FDCSP: variants seen among roughly 807,000 people sequenced by gnomAD.
FDCSP encodes the protein follicular dendritic cell secreted peptide.
A neutral mutation model predicts 8.9 loss-of-function variants in FDCSP; 8 were observed. The ratio of observed to expected loss-of-function variants is 0.90; its 90% confidence interval spans 0.53 to 1.63. The LOEUF is 1.63. Ranked by LOEUF, FDCSP falls within the 40% of genes most tolerant of loss-of-function variation. The probability of loss-of-function intolerance (pLI) is 0.00; values close to 1 mark genes in which losing one functional copy is unlikely to be tolerated. For synonymous variants in FDCSP, 34 were observed against 34.5 expected (o/e 0.98, Z 0.06); for missense variants, 101 against 103.6 (o/e 0.98, Z 0.11).
chr4:70,233,884 C>A, intron 3 of FDCSP, 136 bp from the exon 4 acceptor site: 2 of 741,322 alleles, frequency 2.7e-6, no homozygotes, highest in Non-Finnish European at 2.2e-6. Flanking sequence ...ATAGTACACA[C>A]AGAAAGGATA....
chr4:70,232,633 T>A (rs568867719), intron 2 of FDCSP, among the ~76,000 whole-genome samples: 3 of 151,504 alleles, frequency 2.0e-5, no homozygotes, highest in Non-Finnish European at 4.4e-5. Context: ...ATCTTAAGGG[T>A]TTTTTTCTCC....
chr4:70,229,357 T>C (rs1730041948), intron 1 of FDCSP, among the ~76,000 whole-genome samples: 1 of 151,794 alleles, frequency 6.6e-6, no homozygotes, highest in Non-Finnish European at 1.5e-5. Context: ...CTAAAAACTT[T>C]CTCCATGTTG....
intron 4 of FDCSP, among the ~76,000 whole-genome samples, chr4:70,234,438 T>C (rs1234470214): frequency 6.6e-6 from 1 of 151,658 alleles, no homozygotes; most frequent in African/African-American, 2.4e-5. Flanking sequence ...CCTCCTTGGT[T>C]GTGATGTAAC....
intron 2 of FDCSP, among the ~76,000 whole-genome samples, chr4:70,232,079 T>C (rs1334595984): frequency 6.6e-6 from 1 of 151,764 alleles, no homozygotes; most frequent in Non-Finnish European, 1.5e-5. Flanking sequence ...AAAATAGTTA[T>C]AGTAAGCTAA....
intron 2 of FDCSP, among the ~76,000 whole-genome samples, chr4:70,232,713 C>T (rs1282702383): frequency 6.6e-6 from 1 of 151,490 alleles, no homozygotes; most frequent in Admixed American, 6.6e-5. Flanking sequence ...TAACACCTGC[C>T]CTTTTATCAT....
chr4:70,233,153 A>G (rs757798793), intron 3 of FDCSP, 127 bp downstream of exon 3: 4 of 722,942 alleles, frequency 5.5e-6, no homozygotes, highest in Non-Finnish European at 6.7e-6. Context: ...TTTTGGTATT[A>G]GCACTCAACA....
chr4:70,229,761 C>A (rs974725819), intron 1 of FDCSP, among the ~76,000 whole-genome samples: 1 of 151,498 alleles, frequency 6.6e-6, no homozygotes, highest in African/African-American at 2.4e-5. Flanking sequence ...TCCCATAACA[C>A]CCCCAAATAA....
At chr4:70,227,910 A>C (rs1730015690) in intron 1 of FDCSP, among the ~76,000 whole-genome samples, 1 of 151,884 alleles carries the variant, frequency 6.6e-6, no homozygotes, top group African/African-American at 2.4e-5. Context: ...TCACTGAGTC[A>C]TAATCTTTTT....
Sources: gnomAD v4.1 joint callset for allele counts (sites outside exome capture counted in the v4.1 genomes callset) on GRCh38, gnomAD v4.1.1 for gene constraint, MANE v1.5 for transcripts, NCBI Gene and HGNC (gene_info 2026-07-23, HGNC 2026-07-21) for gene names.